ADAMTS17: variants seen among roughly 807,000 people sequenced by gnomAD.
ADAMTS17 encodes the protein A disintegrin and metalloproteinase with thrombospondin motifs 17.
A neutral mutation model predicts 141.5 loss-of-function variants in ADAMTS17; 113 were observed. That is an observed-to-expected ratio of 0.80 (90% CI 0.69 to 0.93). The LOEUF (loss-of-function observed/expected upper bound fraction) is 0.93. Among genes scored for constraint, ADAMTS17 ranks in the 40% least tolerant of loss-of-function variants. The probability of loss-of-function intolerance (pLI) is 0.00; values close to 1 mark genes in which losing one functional copy is unlikely to be tolerated. For missense variants in ADAMTS17, 1,659 were observed against 1,517.9 expected (o/e 1.09, Z -1.54); for synonymous variants, 768 against 630.6 (o/e 1.22, Z -3.27).
chr15:100,090,823 C>T (rs1040627807), intron 15 of ADAMTS17, among the ~76,000 whole-genome samples: 11 of 151,496 alleles, frequency 7.3e-5, no homozygotes, highest in Admixed American at 2.0e-4. Context: ...CTGAACGACA[C>T]GGTGAAACCC....
At position 99,973,704 on chromosome 15, in the gene ADAMTS17, G is replaced by A. The variant is rs945710803; in HGVS notation, c.*698C>T. ...AAAATTAGATGCTTCCCCAAACCCA[G>A]ACTCTCTTGGAACATTCTTCCCATG... On this transcript the variant is annotated 3_prime_UTR_variant, in exon 22 of 22. Transcript: ENST00000268070. 1 of 154,886 alleles carries A rather than the reference G, an allele frequency of 6.5e-6. No individual in the cohort carries two copies. The highest frequency in any genetic ancestry group is 2.4e-5 in the African/African-American group (1 of 41,450). The allele number at this position is 154,886 out of a possible 1,614,324, so 9.6% of individuals were successfully genotyped here. A position where few individuals can be genotyped will look rare whatever the true frequency, so the allele number is the denominator to read the frequency against.
At chr15:100,211,141 A>AATAAATAAAAAT (rs774028288) in intron 7 of ADAMTS17, among the ~76,000 whole-genome samples, 12 of 148,618 alleles carry the variant, frequency 8.1e-5, no homozygotes, top group African/African-American at 3.0e-4. Flanking sequence ...TAAATAAATA[A>AATAAATAAAAAT]AAATACAAAA....
chr15:100,309,351 C>G (rs1184914189), intron 3 of ADAMTS17, among the ~76,000 whole-genome samples: 8 of 152,174 alleles, frequency 5.3e-5, no homozygotes, highest in Non-Finnish European at 1.2e-4. Flanking sequence ...AGGGCGACAC[C>G]CTGTCTCAAA....
rs1039752786 is a variant in ADAMTS17, at chr15:100,251,187, A to G, written c.1075+2949T>C. ...CAGGAGATAGGCTGGTTCTGCCCTC[A>G]GCTAACCAGCTGTCACGTGAAGAAC... On this transcript the variant is annotated intron_variant, in intron 7 of 21. Transcript: ENST00000268070. Among the ~76,000 whole-genome samples the G allele has an allele frequency of 8.5e-5, 13 of 152,352 alleles. No individual in the cohort carries two copies. The East Asian group carries it at 2.5e-3, about 29-fold the overall frequency.
At chr15:100,146,100 G>A (rs1192846484) in intron 10 of ADAMTS17, among the ~76,000 whole-genome samples, 2 of 152,234 alleles carry the variant, frequency 1.3e-5, no homozygotes, top group East Asian at 3.8e-4. Flanking sequence ...TTGAACCTGG[G>A]AGGTGGAGGT....
chr15:100,310,740 C>T (rs542238584), intron 3 of ADAMTS17, among the ~76,000 whole-genome samples: 2 of 150,832 alleles, frequency 1.3e-5, no homozygotes, highest in African/African-American at 4.8e-5. Flanking sequence ...CTGGGCTTTT[C>T]CCCTAAGCTT....
chr15:100,128,127 A>T (rs1021272598), intron 12 of ADAMTS17: 3 of 152,106 alleles, frequency 2.0e-5, no homozygotes, highest in African/African-American at 7.2e-5. Context: ...ATTTACTGAG[A>T]GGGGAGATGT....
At chr15:100,108,884 A>T in intron 14 of ADAMTS17, 105 bp downstream of exon 14, 1 of 1,585,110 alleles carries the variant, frequency 6.3e-7, no homozygotes, top group South Asian at 1.1e-5. Context: ...AAGAAAATCC[A>T]CTCCCCTAGG....
chr15:100,164,710 C>G (rs1286779637), intron 8 of ADAMTS17, among the ~76,000 whole-genome samples: 1 of 152,082 alleles, frequency 6.6e-6, no homozygotes, highest in East Asian at 1.9e-4. Flanking sequence ...AGGAAAAGTT[C>G]CCACCCCACT....
intron 6 of ADAMTS17, 82 bp from the exon 7 acceptor site, chr15:100,254,261 T>C: frequency 1.6e-6 from 2 of 1,270,684 alleles, no homozygotes; most frequent in Admixed American, 1.7e-5. Context: ...TAACCTCAAG[T>C]AGTCATCCTG....
At chr15:100,177,455 T>C (rs1596195157) in intron 8 of ADAMTS17, among the ~76,000 whole-genome samples, 1 of 152,208 alleles carries the variant, frequency 6.6e-6, no homozygotes, top group Non-Finnish European at 1.5e-5. Flanking sequence ...GATTTTCCTG[T>C]TGTCTTTTTG....
chr15:100,143,209 C>T (rs1480954), intron 10 of ADAMTS17, among the ~76,000 whole-genome samples: 135,245 of 152,198 alleles, frequency 0.89, 61,132 homozygotes, highest in Non-Finnish European at 0.97. Flanking sequence ...CAGGACAGGA[C>T]CCTAACTGCA....
Position 100,049,045 on chromosome 15 carries a change from A to T in ADAMTS17, c.2456-53T>A, listed in dbSNP as rs187358525. On this transcript the variant is annotated intron_variant, in intron 17 of 21. Coordinates refer to ENST00000268070, the MANE Select transcript of ADAMTS17 (RefSeq NM_139057.4). ...AGACTGTGGCTGCACCCACGTGGAA[A>T]GGCTGGGCTTGCATGCCCATGAAAG... is the stretch of plus-strand genomic sequence containing the variant. 20 of 1,613,742 alleles carry T rather than the reference A, an allele frequency of 1.2e-5. No individual in the cohort carries two copies. The African/African-American group carries it at 2.4e-4, about 19-fold the overall frequency.
chr15:100,230,694 T>C (rs1052683400), intron 7 of ADAMTS17, among the ~76,000 whole-genome samples: 2 of 152,182 alleles, frequency 1.3e-5, no homozygotes, highest in Admixed American at 6.5e-5. Flanking sequence ...TTAGGAAGTA[T>C]TGCATTTTGA....
At chr15:100,151,018 C>T (rs185566448) in intron 10 of ADAMTS17, among the ~76,000 whole-genome samples, 1 of 152,366 alleles carries the variant, frequency 6.6e-6, no homozygotes, top group South Asian at 2.1e-4. Context: ...AACACTCAAG[C>T]CACACAGTGG....
At chr15:100,256,043 G>A (rs1567438635) in intron 6 of ADAMTS17, among the ~76,000 whole-genome samples, 1 of 152,228 alleles carries the variant, frequency 6.6e-6, no homozygotes, top group Non-Finnish European at 1.5e-5. Context: ...TTTCTCAGAA[G>A]AGAAGCAGCA....
intron 12 of ADAMTS17, among the ~76,000 whole-genome samples, chr15:100,128,012 C>T (rs186739199): frequency 1.2e-4 from 18 of 152,156 alleles, no homozygotes; most frequent in South Asian, 4.1e-4. Flanking sequence ...CTGCTGCATT[C>T]ACCACCCTCC....
intron 3 of ADAMTS17, among the ~76,000 whole-genome samples, chr15:100,303,604 A>G (rs1192194993): frequency 1.3e-5 from 2 of 152,256 alleles, no homozygotes; most frequent in East Asian, 3.9e-4. Context: ...TCTTAAATTT[A>G]GGTCTTTGAT....
rs747859910 is a variant in ADAMTS17, at chr15:100,051,613, G to T, written c.2414C>A (p.Thr805Asn). The T allele has an allele frequency of 3.7e-6, 6 of 1,614,092 alleles. No homozygotes were observed. Among genetic ancestry groups the T allele is most frequent in the East Asian group, 2.2e-5 (1 of 44,876 alleles). ...EKPQDSLFIW[T>N]HSGWEGCSVQ... ...ACTGCACCCTTCCCAGCCGCTGTGG[G>T]TCCAGATGAACAAAGAGTCCTGCGG... The change falls in exon 17 of 22, where the codon ACC becomes AAC. Residue 805 changes from threonine to asparagine, a missense_variant. Transcript: ENST00000268070.
Sources: gnomAD v4.1 joint callset for allele counts (sites outside exome capture counted in the v4.1 genomes callset) on GRCh38, gnomAD v4.1.1 for gene constraint, MANE v1.5 for transcripts, NCBI Gene and HGNC (gene_info 2026-07-23, HGNC 2026-07-21) for gene names.